Variants in DCDC2C observed in about 807,000 individuals in gnomAD.
DCDC2C encodes the protein doublecortin domain-containing protein 2C.
DCDC2C carries 44 observed loss-of-function variants against 45.0 expected under a neutral mutation model. That is an observed-to-expected ratio of 0.98 (90% CI 0.77 to 1.26). The LOEUF is 1.26. Among genes scored for constraint, DCDC2C ranks in the 50% most tolerant of loss-of-function variants. The pLI is 0.00. For missense variants in DCDC2C, 447 were observed against 468.9 expected (o/e 0.95, Z 0.43); for synonymous variants, 187 against 178.8 (o/e 1.05, Z -0.37).
At position 3,767,747 on chromosome 2, in the gene DCDC2C, C is replaced by A; in HGVS notation, c.727-7C>A. ...AATGGACTTTCTCTTCTTCATTTGTCCTGTAGGTGGACTCCAAAGGAAAAG... is the reference window on the plus strand; with the variant it reads ...AATGGACTTTCTCTTCTTCATTTGTACTGTAGGTGGACTCCAAAGGAAAAG... On this transcript the variant is annotated splice_region_variant and splice_polypyrimidine_tract_variant and intron_variant, in intron 6 of 10. Transcript: ENST00000399143. 1 of 1,550,272 alleles carries A rather than the reference C, an allele frequency of 6.5e-7. No individual in the cohort carries two copies. Among genetic ancestry groups the A allele is most frequent in the South Asian group, 1.2e-5 (1 of 83,996 alleles).
At chr2:3,781,799 G>A (rs998057350) in intron 9 of DCDC2C, among the ~76,000 whole-genome samples, 1 of 152,152 alleles carries the variant, frequency 6.6e-6, no homozygotes. Flanking sequence ...GGGCCCAGGA[G>A]GTTGAGGCTG....
intron 10 of DCDC2C, among the ~76,000 whole-genome samples, chr2:3,823,540 G>A (rs1384817419): frequency 1.3e-5 from 2 of 152,100 alleles, no homozygotes; most frequent in African/African-American, 4.8e-5. Context: ...TAAAAGTAAA[G>A]TATTGAATTC....
At chr2:3,721,935 C>T (rs1421250315) in intron 2 of DCDC2C, among the ~76,000 whole-genome samples, 1 of 152,214 alleles carries the variant, frequency 6.6e-6, no homozygotes, top group Non-Finnish European at 1.5e-5. Context: ...TCCAATTAAA[C>T]CTCTTTCTTT....
chr2:3,717,227 G>T (rs1558560744), intron 2 of DCDC2C, among the ~76,000 whole-genome samples: 1 of 152,010 alleles, frequency 6.6e-6, no homozygotes, highest in Non-Finnish European at 1.5e-5. Flanking sequence ...AAGACCCCCA[G>T]GTCTCTCTCA....
chr2:3,711,688 A>T (rs1026147845), intron 2 of DCDC2C, among the ~76,000 whole-genome samples: 94 of 152,034 alleles, frequency 6.2e-4, no homozygotes, highest in African/African-American at 2.0e-3. Context: ...CTTTGAGCAG[A>T]TCTTTGCCTT....
At chr2:3,705,938 C>T (rs1668054427) in intron 1 of DCDC2C, among the ~76,000 whole-genome samples, 1 of 152,162 alleles carries the variant, frequency 6.6e-6, no homozygotes, top group Non-Finnish European at 1.5e-5. Context: ...ATTATCCATG[C>T]ATCTTCACTG....
At chr2:3,712,448 T>G (rs1668237811) in intron 2 of DCDC2C, among the ~76,000 whole-genome samples, 1 of 150,488 alleles carries the variant, frequency 6.6e-6, no homozygotes, top group South Asian at 2.1e-4. Flanking sequence ...GGAGAATTAC[T>G]TGAGCCCAGG....
intron 4 of DCDC2C, among the ~76,000 whole-genome samples, chr2:3,745,778 A>T (rs1669343572): frequency 6.6e-6 from 1 of 152,026 alleles, no homozygotes; most frequent in Admixed American, 6.6e-5. Flanking sequence ...TGGCACAATC[A>T]CAGCTCACTG....
intron 2 of DCDC2C, among the ~76,000 whole-genome samples, chr2:3,720,378 C>T (rs1408521762): frequency 6.8e-6 from 1 of 146,968 alleles, no homozygotes; most frequent in African/African-American, 2.8e-5. Context: ...TGCACTCTCC[C>T]TGCCTCCCTA....
intron 1 of DCDC2C, among the ~76,000 whole-genome samples, chr2:3,704,731 A>AG (rs1293361160): frequency 2.6e-4 from 1 of 3,886 alleles, no homozygotes; most frequent in Non-Finnish European, 5.1e-4. Flanking sequence ...CGTGGGGGGG[A>AG]GGGGCGTGGG....
At chr2:3,809,661 A>C in intron 10 of DCDC2C, among the ~76,000 whole-genome samples, 1 of 152,196 alleles carries the variant, frequency 6.6e-6, no homozygotes, top group East Asian at 1.9e-4. Context: ...CATGTGCAGA[A>C]CATGCAGGTT....
intron 4 of DCDC2C, among the ~76,000 whole-genome samples, chr2:3,746,499 T>C (rs552841943): frequency 6.6e-6 from 1 of 152,318 alleles, no homozygotes; most frequent in Non-Finnish European, 1.5e-5. Context: ...ATTTTTTCCA[T>C]GCCGCCTGCT....
intron 8 of DCDC2C, among the ~76,000 whole-genome samples, chr2:3,773,749 T>C (rs1670250025): frequency 6.6e-6 from 1 of 152,230 alleles, no homozygotes; most frequent in African/African-American, 2.4e-5. Context: ...GGAAATAGTC[T>C]AGAATTTACT....
chr2:3,747,177 C>T (rs915216816), intron 4 of DCDC2C, among the ~76,000 whole-genome samples: 2 of 152,190 alleles, frequency 1.3e-5, no homozygotes, highest in African/African-American at 2.4e-5. Flanking sequence ...TGTGTGTTCC[C>T]GTGGCCCACA....
At chr2:3,819,259 C>T (rs1010436899) in intron 10 of DCDC2C, among the ~76,000 whole-genome samples, 116 of 152,210 alleles carry the variant, frequency 7.6e-4, no homozygotes, top group African/African-American at 2.6e-3. Context: ...GCGAGTTGGA[C>T]AGTCCAGTTT....
intron 1 of DCDC2C, 88 bp from the exon 2 acceptor site, chr2:3,708,461 C>A: frequency 2.9e-6 from 3 of 1,032,418 alleles, no homozygotes; most frequent in Admixed American, 2.8e-5. Context: ...ATCTATTAAG[C>A]CGGAAAAGGA....
chr2:3,704,161 C>G (rs975842441), intron 1 of DCDC2C, 123 bp downstream of exon 1: 3 of 967,678 alleles, frequency 3.1e-6, no homozygotes, highest in South Asian at 5.5e-5. Flanking sequence ...GGGCGCCCAT[C>G]TTTCGGCGTG....
chr2:3,708,708 G>A lies in DCDC2C; in HGVS notation c.339+108G>A, dbSNP rs1410179285. ...AGTTTCACAGAAGCAGTAAATGCCT[G>A]CAGAGATGTGTTGCTCTTGAAGCCA... On this transcript the variant is annotated intron_variant, in intron 2 of 10. Transcript: ENST00000399143. 17 of 800,394 alleles carry A rather than the reference G, an allele frequency of 2.1e-5. 1 individual carries two copies. In the East Asian group the frequency reaches 4.7e-4, roughly 22 times the overall value. The allele number at this position is 800,394 out of a possible 1,614,324, so 49.6% of individuals were successfully genotyped here.
intron 10 of DCDC2C, among the ~76,000 whole-genome samples, chr2:3,837,115 C>T (rs1381421066): frequency 2.0e-5 from 3 of 152,138 alleles, no homozygotes; most frequent in Non-Finnish European, 2.9e-5. Context: ...ACCCCTGAGA[C>T]GCTTCTGAGG....
Sources: allele counts gnomAD v4.1 joint callset (sites outside exome capture counted in the v4.1 genomes callset), GRCh38; gene constraint gnomAD v4.1.1; transcripts MANE v1.5; gene names NCBI Gene and HGNC (gene_info 2026-07-23, HGNC 2026-07-21).